Variants in P2RX7 observed in about 807,000 individuals in gnomAD.
P2RX7 encodes purinergic receptor P2X 7.
A neutral mutation model predicts 71.6 loss-of-function variants in P2RX7; 62 were observed. That is an observed-to-expected ratio of 0.87 (90% CI 0.71 to 1.07). P2RX7 has a LOEUF of 1.07. Among genes scored for constraint, P2RX7 ranks in the 50% least tolerant of loss-of-function variants. The probability of loss-of-function intolerance (pLI) is 0.00; values close to 1 mark genes in which losing one functional copy is unlikely to be tolerated. For missense variants in P2RX7, 686 were observed against 748.5 expected (o/e 0.92, Z 0.97); for synonymous variants, 299 against 283.3 (o/e 1.06, Z -0.56).
chr12:121,155,157 A>G, intron 2 of P2RX7: 1 of 1,500,952 alleles, frequency 6.7e-7, no homozygotes, highest in Non-Finnish European at 8.9e-7. Flanking sequence ...ATCAAGTCCT[A>G]CAGGGTTTCT....
rs1285688126 is a variant in P2RX7 at position 121,162,439 on chromosome 12, G to A, written c.452G>A (p.Arg151Lys). Residue 151 changes from arginine (R) to lysine (K), a missense_variant, in exon 5 of 13, where the codon AGG becomes AAG. By Grantham distance (26) the Arg-to-Lys change is conservative (BLOSUM62 2). Transcript: ENST00000328963. ...ACCCCTATAGGAATTCAGACCGGAA[G>A]GTGTGTAGTGTATGAAGGGAACCAG... ...DPQSKGIQTG[R>K]CVVYEGNQKT... The A allele has an allele frequency of 6.2e-7, 1 of 1,613,958 alleles. No homozygotes were observed. The highest frequency in any genetic ancestry group is 1.7e-5 in the Admixed American group (1 of 60,022).
chr12:121,181,485 G>A (rs1191721188), intron 12 of P2RX7, among the ~76,000 whole-genome samples: 1 of 152,112 alleles, frequency 6.6e-6, no homozygotes. Flanking sequence ...GTTCACATTT[G>A]CACTCTCCCC....
At chr12:121,162,358 T>C in intron 4 of P2RX7, 66 bp from the exon 5 acceptor site, 2 of 1,595,392 alleles carry the variant, frequency 1.3e-6, no homozygotes, top group Non-Finnish European at 8.5e-7. Flanking sequence ...ATGATGTCCC[T>C]CCTGGAGAAC....
intron 1 of P2RX7, among the ~76,000 whole-genome samples, chr12:121,142,122 A>G (rs141634091): frequency 0.011 from 1,639 of 152,304 alleles, 36 homozygotes; most frequent in African/African-American, 0.038. Context: ...GAGCTGCCCT[A>G]TGGAATGAGG....
rs770179495 is a variant in P2RX7 at position 121,156,110 on chromosome 12, T to G, written c.326T>G (p.Leu109Arg). The G allele has an allele frequency of 1.2e-6, 2 of 1,614,138 alleles. No individual in the cohort carries two copies. The highest frequency in any genetic ancestry group is 3.3e-5 in the Admixed American group (2 of 60,014). ...GNSFFVMTNFLKTEGQEQRLC... is the reference protein window; with the variant it reads ...GNSFFVMTNFRKTEGQEQRLC... ...TCTTTCTTCGTGATGACAAACTTTC[T>G]CAAAACAGAAGGCCAAGAGCAGCGG... is the stretch of plus-strand genomic sequence containing the variant. Residue 109 changes from leucine to arginine, a missense_variant, in exon 3 of 13, where the codon CTC becomes CGC. Transcript: ENST00000328963.
At chr12:121,140,708 C>G (rs1874669478) in intron 1 of P2RX7, among the ~76,000 whole-genome samples, 1 of 152,158 alleles carries the variant, frequency 6.6e-6, no homozygotes, top group Admixed American at 6.5e-5. Flanking sequence ...AAGGTGGAGA[C>G]TGCCGTGAGC....
At chr12:121,180,630 C>T (rs1883992191) in intron 12 of P2RX7, among the ~76,000 whole-genome samples, 175 bp downstream of exon 12, 1 of 152,048 alleles carries the variant, frequency 6.6e-6, no homozygotes, top group Non-Finnish European at 1.5e-5. Flanking sequence ...CCCTTTTATG[C>T]CCCCCTCCAA....
chr12:121,160,968 A>G lies in P2RX7; in HGVS notation c.430A>G (p.Ser144Gly), dbSNP rs1038920265. 5.6e-6 allele frequency: 9 copies of G among 1,613,342 alleles called. No homozygotes were observed. Among genetic ancestry groups the G allele is most frequent in the Non-Finnish European group, 1.7e-6 (2 of 1,179,266 alleles). The change falls in exon 4 of 13, where the codon AGC becomes GGC. Residue 144 changes from serine (S) to glycine (G), a missense_variant. Ser to Gly is a moderately conservative substitution (Grantham distance 56). Coordinates refer to ENST00000328963, the MANE Select transcript of P2RX7 (RefSeq NM_002562.6). ...TAAAAAGGGATGGATGGACCCGCAG[A>G]GCAAAGGTACCTTCTGTTTCTTTTC... The part of the protein sequence containing the change: ...GCKKGWMDPQ[S>G]KGIQTGRCVV...
intron 12 of P2RX7, among the ~76,000 whole-genome samples, chr12:121,182,795 T>C (rs1296293815): frequency 6.6e-6 from 1 of 152,244 alleles, no homozygotes; most frequent in African/African-American, 2.4e-5. Flanking sequence ...TATTTATCTT[T>C]CTTCAATAAT....
In P2RX7 at chr12:121,165,312, G is replaced by A. The variant is rs530223556; in HGVS notation, c.534-45G>A. On this transcript the variant is annotated intron_variant, in intron 5 of 12. Transcript: ENST00000328963. ...GTCCCACTGGCCCATGGGCTCCCTC[G>A]GTTCCCCCCGTCACTAATGGCCATT... The A allele has an allele frequency of 2.6e-5, 40 of 1,509,940 alleles. 2 individuals are homozygous for A. In the South Asian group the frequency reaches 2.9e-4, roughly 11 times the overall value. 93.5% of individuals were successfully genotyped at this position (1,509,940 alleles called of 1,614,324 possible). A position where few individuals can be genotyped will look rare whatever the true frequency, so the allele number is the denominator to read the frequency against.
chr12:121,174,337 G>C (rs921289245), intron 8 of P2RX7, among the ~76,000 whole-genome samples: 3 of 151,708 alleles, frequency 2.0e-5, no homozygotes, highest in Non-Finnish European at 4.4e-5. Flanking sequence ...TGTGAGCCAC[G>C]GTGCCCGACC....
chr12:121,160,440 G>A (rs1565954570), intron 3 of P2RX7, among the ~76,000 whole-genome samples: 1 of 152,048 alleles, frequency 6.6e-6, no homozygotes, highest in South Asian at 2.1e-4. Context: ...ATAAGCCACG[G>A]CGCCCAGCCC....
rs529262613 is a variant in P2RX7, at chr12:121,173,143, T to C, written c.882-2245T>C. Among the ~76,000 whole-genome samples, 7 of 152,248 alleles carry C rather than the reference T, an allele frequency of 4.6e-5. No individual in the cohort carries two copies. In the East Asian group the frequency reaches 1.2e-3, roughly 25 times the overall value. ...AATTTTTAAAGTTAGTACTGAGTGA[T>C]GACAGAGAGAGGTCAATGCCACTCA... On this transcript the variant is annotated intron_variant, in intron 8 of 12. Transcript: ENST00000328963.
chr12:121,133,308 T>C (rs1872820567), intron 1 of P2RX7, among the ~76,000 whole-genome samples: 1 of 152,094 alleles, frequency 6.6e-6, no homozygotes, highest in Non-Finnish European at 1.5e-5. Context: ...ACAAGCGGGA[T>C]TCCTTTCTGC....
At position 121,160,295 on chromosome 12, in the gene P2RX7, A is replaced by C. The variant is rs145330897; in HGVS notation, c.364-607A>C. On this transcript the variant is annotated intron_variant, in intron 3 of 12. Transcript: ENST00000328963. ...CCCTAGTAGCTGGGATTACAGGCGC[A>C]CACCACCACATCTGATAATTTTTGT... Among the ~76,000 whole-genome samples the C allele has an allele frequency of 2.5e-3, 386 of 152,058 alleles. 5 individuals carry two copies. The highest frequency in any genetic ancestry group is 0.022 in the East Asian group (114 of 5,176).
chr12:121,148,210 T>A (rs1188730692), intron 1 of P2RX7, among the ~76,000 whole-genome samples: 1 of 150,456 alleles, frequency 6.6e-6, no homozygotes, highest in Non-Finnish European at 1.5e-5. Flanking sequence ...ATTTATTTAT[T>A]TATTTATTTA....
chr12:121,141,524 C>T (rs748835458), intron 1 of P2RX7, among the ~76,000 whole-genome samples: 1 of 152,200 alleles, frequency 6.6e-6, no homozygotes, highest in Non-Finnish European at 1.5e-5. Flanking sequence ...GGGGCCTGAT[C>T]ATGGAGCGCC....
intron 2 of P2RX7, 194 bp downstream of exon 2, chr12:121,155,147 A>T: frequency 4.7e-6 from 7 of 1,496,268 alleles, no homozygotes; most frequent in Non-Finnish European, 5.4e-6. Flanking sequence ...TCTTTGCTTT[A>T]TCAAGTCCTA....
chr12:121,174,126 T>C (rs2686375), intron 8 of P2RX7, among the ~76,000 whole-genome samples: 56,204 of 146,374 alleles, frequency 0.38, 11,287 homozygotes, highest in African/African-American at 0.44. Context: ...CGGCTCACTG[T>C]GACCTCCATC....
Sources: allele counts gnomAD v4.1 joint callset (sites outside exome capture counted in the v4.1 genomes callset), GRCh38; gene constraint gnomAD v4.1.1; transcripts MANE v1.5; gene names NCBI Gene and HGNC (gene_info 2026-07-23, HGNC 2026-07-21).